The following ZMPSTE24 variants were observed in gnomAD, a reference collection of about 807,000 sequenced individuals.
ZMPSTE24 encodes the protein zinc metallopeptidase STE24, also known as CAAX prenyl protease 1 homolog.
A neutral mutation model predicts 56.7 loss-of-function variants in ZMPSTE24; 48 were observed. That is an observed-to-expected ratio of 0.85 (90% CI 0.67 to 1.08). ZMPSTE24 has a LOEUF of 1.08. Among genes scored for constraint, ZMPSTE24 ranks in the 50% least tolerant of loss-of-function variants. The pLI, the probability that ZMPSTE24 is intolerant of heterozygous loss-of-function variation, is 0.00. For synonymous variants in ZMPSTE24, 172 were observed against 195.2 expected (o/e 0.88, Z 0.99); for missense variants, 503 against 548.7 (o/e 0.92, Z 0.83).
At chr1:40,281,186 A>G (rs1453622853) in intron 6 of ZMPSTE24, among the ~76,000 whole-genome samples, 157 bp from the exon 7 acceptor site, 7 of 152,330 alleles carry the variant, frequency 4.6e-5, no homozygotes, top group Non-Finnish European at 8.8e-5. Context: ...GACACTCTCC[A>G]CTGCTGGTGG....
At chr1:40,260,733 T>G in intron 1 of ZMPSTE24, 106 bp from the exon 2 acceptor site, 1 of 1,176,782 alleles carries the variant, frequency 8.5e-7, no homozygotes, top group Admixed American at 2.0e-5. Context: ...ATAAAGCAAA[T>G]TCAACAGATA....
At chr1:40,288,459 G>A (rs908345327) in intron 8 of ZMPSTE24, among the ~76,000 whole-genome samples, 2 of 152,192 alleles carry the variant, frequency 1.3e-5, no homozygotes, top group Non-Finnish European at 2.9e-5. Flanking sequence ...CTGAGATGTG[G>A]TACCTTATCA....
intron 8 of ZMPSTE24, 98 bp downstream of exon 8, chr1:40,286,127 C>A: frequency 9.6e-7 from 1 of 1,036,724 alleles, no homozygotes; most frequent in Non-Finnish European, 1.5e-6. Context: ...AGGCAGACAC[C>A]ACAGCCAGGC....
chr1:40,276,311 G>A (rs1488468852), intron 6 of ZMPSTE24, among the ~76,000 whole-genome samples: 3 of 152,316 alleles, frequency 2.0e-5, no homozygotes, highest in African/African-American at 2.4e-5. Context: ...CACATAGATG[G>A]TGTTCAGTGC....
chr1:40,265,601 T>C (rs1643540886), intron 2 of ZMPSTE24, among the ~76,000 whole-genome samples: 1 of 152,116 alleles, frequency 6.6e-6, no homozygotes. Flanking sequence ...GGGGCTGACA[T>C]GGAAAGATCC....
intron 1 of ZMPSTE24, among the ~76,000 whole-genome samples, chr1:40,259,026 C>T (rs776157815): frequency 3.3e-5 from 5 of 151,948 alleles, no homozygotes; most frequent in Non-Finnish European, 7.4e-5. Context: ...GGTGTGGTGG[C>T]GCGCACCTGT....
chr1:40,260,249 C>T (rs1162576078), intron 1 of ZMPSTE24, among the ~76,000 whole-genome samples: 5 of 151,786 alleles, frequency 3.3e-5, no homozygotes, highest in South Asian at 4.2e-4. Context: ...TTTGTAGAGA[C>T]GGGATTTCAC....
intron 6 of ZMPSTE24, among the ~76,000 whole-genome samples, chr1:40,275,053 T>C (rs1235930006): frequency 6.6e-6 from 1 of 152,018 alleles, no homozygotes; most frequent in Non-Finnish European, 1.5e-5. Flanking sequence ...AGGAACCTAC[T>C]AAACATTGTA....
At chr1:40,281,879 C>G (rs915735676) in intron 7 of ZMPSTE24, among the ~76,000 whole-genome samples, 2 of 151,876 alleles carry the variant, frequency 1.3e-5, no homozygotes, top group African/African-American at 4.8e-5. Context: ...TTCCCACAAG[C>G]AAGATAAAGA....
chr1:40,288,296 C>A lies in ZMPSTE24; in HGVS notation c.1059+2267C>A, dbSNP rs370273688. Reference sequence around the variant, plus strand: ...TAGAAATGCATTCCTTGGCCTGAAGCTATGTTGTGTGGATACATGGCACTG... The same window carrying A: ...TAGAAATGCATTCCTTGGCCTGAAGATATGTTGTGTGGATACATGGCACTG... On this transcript the variant is annotated intron_variant, in intron 8 of 9. Transcript: ENST00000372759. Among the ~76,000 whole-genome samples, 12 of 152,290 alleles carry A rather than the reference C, an allele frequency of 7.9e-5. 1 individual carries two copies. Among genetic ancestry groups the A allele is most frequent in the East Asian group, 3.9e-4 (2 of 5,184 alleles).
chr1:40,268,655 A>T (rs1484491070), intron 4 of ZMPSTE24, 120 bp downstream of exon 4: 4 of 713,608 alleles, frequency 5.6e-6, no homozygotes, highest in Non-Finnish European at 9.1e-6. Flanking sequence ...GAAAAAAGGG[A>T]ACTACAGATA....
At chr1:40,280,723 G>C (rs916767078) in intron 6 of ZMPSTE24, among the ~76,000 whole-genome samples, 2 of 152,190 alleles carry the variant, frequency 1.3e-5, no homozygotes, top group African/African-American at 4.8e-5. Context: ...ACTGCACCCA[G>C]TTGAATTTGC....
chr1:40,292,893 C>G lies in ZMPSTE24; in HGVS notation c.*224C>G. ...AATGTTTTTAAAGGCATAGTTTTAT[C>G]TTTGACATCTAATTTACCATCAAGT... On this transcript the variant is annotated 3_prime_UTR_variant, in exon 10 of 10. Transcript: ENST00000372759. 2.3e-6 allele frequency: 1 copy of G among 439,166 alleles called. No homozygotes were observed. The highest frequency in any genetic ancestry group is 4.1e-6 in the Non-Finnish European group (1 of 243,414). The allele number at this position is 439,166 out of a possible 1,614,324, so 27.2% of individuals were successfully genotyped here.
chr1:40,262,831 C>T (rs1643512916), intron 2 of ZMPSTE24: 3 of 1,175,898 alleles, frequency 2.6e-6, no homozygotes, highest in Non-Finnish European at 3.2e-6. Flanking sequence ...TCTGTTTCAC[C>T]AGTTCCAGAG....
intron 2 of ZMPSTE24, among the ~76,000 whole-genome samples, chr1:40,266,930 G>A (rs1643555311): frequency 6.6e-6 from 1 of 151,674 alleles, no homozygotes; most frequent in Admixed American, 6.6e-5. Flanking sequence ...CACCATAATT[G>A]GCTCATTTTT....
At chr1:40,274,376 G>A (rs1461788585) in intron 6 of ZMPSTE24, among the ~76,000 whole-genome samples, 2 of 152,206 alleles carry the variant, frequency 1.3e-5, no homozygotes, top group Non-Finnish European at 2.9e-5. Flanking sequence ...GTAGTGAAAA[G>A]CCAAGAATCT....
At chr1:40,288,615 C>T (rs1393671358) in intron 8 of ZMPSTE24, among the ~76,000 whole-genome samples, 1 of 152,218 alleles carries the variant, frequency 6.6e-6, no homozygotes. Context: ...CATGGAGCGG[C>T]TACAGAGAAA....
intron 6 of ZMPSTE24, among the ~76,000 whole-genome samples, chr1:40,276,819 G>A (rs919867053): frequency 9.9e-5 from 15 of 152,134 alleles, no homozygotes; most frequent in Admixed American, 5.2e-4. Flanking sequence ...CCTATCTAGC[G>A]TGTTACTATA....
intron 4 of ZMPSTE24, among the ~76,000 whole-genome samples, chr1:40,269,009 G>A (rs1231271288): frequency 2.7e-5 from 4 of 145,638 alleles, no homozygotes; most frequent in African/African-American, 1.0e-4. Context: ...CCGGGAGGCA[G>A]AGCTTGCAGT....
Sources: gnomAD v4.1 joint callset for allele counts (sites outside exome capture counted in the v4.1 genomes callset) on GRCh38, gnomAD v4.1.1 for gene constraint, MANE v1.5 for transcripts, NCBI Gene and HGNC (gene_info 2026-07-23, HGNC 2026-07-21) for gene names.